The following RNF8 variants were observed in gnomAD, a reference collection of about 807,000 sequenced individuals.
RNF8 encodes the protein E3 ubiquitin-protein ligase RNF8.
A neutral mutation model predicts 59.3 loss-of-function variants in RNF8; 8 were observed. That is an observed-to-expected ratio of 0.13 (90% CI 0.08 to 0.24). The LOEUF (loss-of-function observed/expected upper bound fraction) is 0.24. Among genes scored for constraint, RNF8 ranks in the 10% least tolerant of loss-of-function variants. The pLI is 1.00. For synonymous variants in RNF8, 162 were observed against 200.0 expected, an observed-to-expected ratio of 0.81 and a Z score of 1.60; for missense variants, 406 against 572.6, an observed-to-expected ratio of 0.71 and a Z score of 2.97.
chr6:37,375,603 CAT>C (rs1769980488), intron 5 of RNF8, among the ~76,000 whole-genome samples: 1 of 152,164 alleles, frequency 6.6e-6, no homozygotes, highest in Admixed American at 6.5e-5. Context: ...GTTTAAATCA[CAT>C]AATACCTTCC....
intron 4 of RNF8, among the ~76,000 whole-genome samples, chr6:37,372,337 C>T (rs1769846942): frequency 6.6e-6 from 1 of 152,164 alleles, no homozygotes; most frequent in Admixed American, 6.5e-5. Flanking sequence ...ACAGTGCTAA[C>T]AGTCATACAG....
intron 1 of RNF8, 144 bp downstream of exon 1, chr6:37,354,419 G>C (rs554343449): frequency 2.9e-6 from 2 of 688,066 alleles, no homozygotes; most frequent in East Asian, 2.8e-5. Flanking sequence ...TCTGTGGGGG[G>C]GGTGGATTCC....
chr6:37,373,712 T>C (rs1769897647), intron 4 of RNF8, among the ~76,000 whole-genome samples: 1 of 152,206 alleles, frequency 6.6e-6, no homozygotes, highest in South Asian at 2.1e-4. Flanking sequence ...CGCCCGGCCA[T>C]ATTTTCCCAT....
intron 4 of RNF8, 120 bp downstream of exon 4, chr6:37,371,694 A>G: frequency 5.5e-6 from 4 of 721,304 alleles, no homozygotes; most frequent in Non-Finnish European, 9.5e-6. Flanking sequence ...CCCAGTCTGT[A>G]AACAGAGCAG....
intron 1 of RNF8, 94 bp downstream of exon 1, chr6:37,354,369 T>G: frequency 3.2e-6 from 3 of 939,844 alleles, no homozygotes; most frequent in Non-Finnish European, 4.6e-6. Context: ...GCTGAATGAA[T>G]GGCAGAGAGG....
intron 7 of RNF8, 77 bp from the exon 8 acceptor site, chr6:37,390,665 C>T (rs564020464): frequency 4.3e-5 from 46 of 1,060,346 alleles, no homozygotes; most frequent in Middle Eastern, 4.1e-4. Flanking sequence ...GACAGGGTGG[C>T]GAGGCTGGAA....
chr6:37,366,718 A>G (rs1258103363), intron 2 of RNF8, among the ~76,000 whole-genome samples: 2 of 152,110 alleles, frequency 1.3e-5, no homozygotes, highest in African/African-American at 4.8e-5. Context: ...ATTTTTTTCT[A>G]GCTGAAAGTA....
At position 37,360,477 on chromosome 6, in the gene RNF8, A is replaced by T; in HGVS notation, c.143A>T (p.Tyr48Phe). 1.2e-6 allele frequency: 2 copies of T among 1,614,040 alleles called. No individual in the cohort carries two copies. The highest frequency in any genetic ancestry group is 8.5e-7 in the Non-Finnish European group (1 of 1,179,936). The stretch of plus-strand genomic sequence containing the variant: ...GTAGGACGAGGATTTGGTGTCACAT[A>T]CCAACTGGTATCAAAAATCTGCCCC... The part of the protein sequence containing the change: ...VTVGRGFGVT[Y>F]QLVSKICPLM... Residue 48 changes from tyrosine (Y) to phenylalanine (F), a missense_variant, in exon 2 of 8, where the codon TAC becomes TTC. Physicochemically the swap from Tyr to Phe is conservative, Grantham distance 22. Around this residue, in one of 3 missense-constraint regions of RNF8, gnomAD observed 62 missense variants for 112.2 expected, o/e 0.55. Transcript: ENST00000373479. The surrounding 1 kb of genome is among the most constrained non-coding windows in gnomAD (Gnocchi z 4.2).
At chr6:37,361,430 C>G in intron 2 of RNF8, 1 of 448,582 alleles carries the variant, frequency 2.2e-6, no homozygotes, top group Non-Finnish European at 4.5e-6. Flanking sequence ...AGGGATTGCA[C>G]CTGTGAATAG....
At position 37,368,534 on chromosome 6, in the gene RNF8, C is replaced by G; in HGVS notation, c.291C>G (p.Val97=). 2 of 1,614,090 alleles carry G rather than the reference C, an allele frequency of 1.2e-6. No individual in the cohort carries two copies. Among genetic ancestry groups the G allele is most frequent in the Non-Finnish European group, 1.7e-6 (2 of 1,179,984 alleles). The change falls in exon 3 of 8, where the codon GTC becomes GTG. Residue 97 remains valine (V), a synonymous_variant. Coordinates refer to ENST00000373479, the MANE Select transcript of RNF8 (RefSeq NM_003958.4). ...GAGCGCGTCTGGAACCTTTAAGGGT[C>G]TATTCCATTCATCAGGGAGACTACA... The part of the protein sequence containing the change: ...LNRARLEPLR[V]YSIHQGDYIQ...
intron 1 of RNF8, among the ~76,000 whole-genome samples, chr6:37,354,983 A>G (rs918186615): frequency 1.3e-5 from 2 of 152,182 alleles, no homozygotes; most frequent in Admixed American, 1.3e-4. Context: ...TTCTCCTGTG[A>G]GGCTCGGTAC....
chr6:37,360,602 C>T lies in RNF8; in HGVS notation c.240+28C>T. ...ACAGGAATTCACAGAAGCCTAATGA[C>T]TTTTATTTGTTTTTAAATTACTTTT... On this transcript the variant is annotated intron_variant, in intron 2 of 7. Coordinates refer to ENST00000373479, the MANE Select transcript of RNF8 (RefSeq NM_003958.4). This position sits in a 1 kb window ranked among gnomAD's most constrained non-coding sequence, Gnocchi z 4.2. The T allele has an allele frequency of 1.9e-6, 3 of 1,552,758 alleles. No homozygotes were observed. The highest frequency in any genetic ancestry group is 1.4e-5 in the African/African-American group (1 of 70,058).
chr6:37,372,784 A>G (rs1160927693), intron 4 of RNF8, among the ~76,000 whole-genome samples: 2 of 152,212 alleles, frequency 1.3e-5, no homozygotes, highest in African/African-American at 4.8e-5. Flanking sequence ...AGCCTGACCA[A>G]CATGGAGAAA....
rs1461855781 is a variant in RNF8 at position 37,381,528 on chromosome 6, G to GAGAT, written c.1441+178_1441+181dup. ...AAGATAATGCAGGAGAGGAAGAGTT[G>GAGAT]AGATAGAATTAACCGCAACTGTTAC... is the stretch of plus-strand genomic sequence containing the variant. On this transcript the variant is annotated intron_variant, in intron 7 of 7. Transcript: ENST00000373479. Among the ~76,000 whole-genome samples, 3 of 152,148 alleles carry GAGAT rather than the reference G, an allele frequency of 2.0e-5. No homozygotes were observed. The East Asian group carries it at 5.8e-4, about 29-fold the overall frequency.
At chr6:37,359,380 T>C in intron 1 of RNF8, 1 of 260,928 alleles carries the variant, frequency 3.8e-6, no homozygotes, top group Non-Finnish European at 7.6e-6. Flanking sequence ...TTACTAGGTT[T>C]TCCTGAAAAC....
chr6:37,387,915 G>C (rs567924099), intron 7 of RNF8, among the ~76,000 whole-genome samples: 25 of 152,324 alleles, frequency 1.6e-4, no homozygotes, highest in African/African-American at 4.3e-4. Flanking sequence ...CAGAGTGCTA[G>C]AGAGAATATT....
At chr6:37,362,482 A>C (rs1335002583) in intron 2 of RNF8, among the ~76,000 whole-genome samples, 1 of 146,310 alleles carries the variant, frequency 6.8e-6, no homozygotes, top group African/African-American at 2.6e-5. Flanking sequence ...ACCTGTTTAA[A>C]CTTTTTAGCT....
chr6:37,360,775 T>C lies in RNF8; in HGVS notation c.240+201T>C, dbSNP rs1769287380. On this transcript the variant is annotated intron_variant, in intron 2 of 7. Transcript: ENST00000373479. This position sits in a 1 kb window ranked among gnomAD's most constrained non-coding sequence, Gnocchi z 4.2. ...CTAAAATAATTTCTCTTGATTTGGG[T>C]TAAAGTTTGTTAACTTGAAGAGAAT... Among the ~76,000 whole-genome samples, 1 of 152,178 alleles carries C rather than the reference T, an allele frequency of 6.6e-6. No individual in the cohort carries two copies.
At chr6:37,374,574 A>T in intron 4 of RNF8, 46 bp from the exon 5 acceptor site, 1 of 1,392,388 alleles carries the variant, frequency 7.2e-7, no homozygotes, top group Non-Finnish European at 1.0e-6. Flanking sequence ...AAAAGGAAGG[A>T]TGCATTGTAG....
Sources: allele counts gnomAD v4.1 joint callset (sites outside exome capture counted in the v4.1 genomes callset), GRCh38; gene constraint gnomAD v4.1.1; regional missense constraint gnomAD v4.1.1; non-coding constraint Gnocchi (gnomAD v3.1); transcripts MANE v1.5; gene names NCBI Gene and HGNC (gene_info 2026-07-23, HGNC 2026-07-21).